Variants in ANO5 observed in about 807,000 individuals in gnomAD.
ANO5 encodes the protein anoctamin 5, also known as anoctamin-5.
ANO5 carries 109 observed loss-of-function variants against 121.0 expected under a neutral mutation model. That is an observed-to-expected ratio of 0.90 (90% CI 0.77 to 1.06). ANO5 has a LOEUF of 1.06. Ranked by LOEUF, ANO5 falls within the 50% of genes least tolerant of loss-of-function variation. ANO5 has a pLI of 0.00. For missense variants in ANO5, 1,064 were observed against 1,078.5 expected (o/e 0.99, Z 0.19); for synonymous variants, 406 against 359.9 (o/e 1.13, Z -1.45).
At chr11:22,254,764 A>C (rs947633690) in intron 12 of ANO5, among the ~76,000 whole-genome samples, 1 of 152,034 alleles carries the variant, frequency 6.6e-6, no homozygotes, top group African/African-American at 2.4e-5. Flanking sequence ...TATATTCTTC[A>C]ATTGAAAGTT....
In ANO5 at chr11:22,256,947, G is replaced by A. The variant is rs375137297; in HGVS notation, c.1333-733G>A. On this transcript the variant is annotated intron_variant, in intron 13 of 21. Transcript: ENST00000324559. ...TACATGCACACACATTCTGAGGTGT[G>A]TAGGACTCTTGGACAGCTGACTCTG... 3.3e-5 allele frequency among the ~76,000 whole-genome samples: 5 copies of A among 152,246 alleles called. No individual in the cohort carries two copies. In the South Asian group the frequency reaches 1.0e-3, roughly 32 times the overall value.
intron 18 of ANO5, 67 bp downstream of exon 18, chr11:22,270,509 CTTCT>C (rs751789241): frequency 2.3e-4 from 351 of 1,522,240 alleles, no homozygotes; most frequent in Middle Eastern, 5.0e-4. Flanking sequence ...GCTCCAGATA[CTTCT>C]TTCTGCCTTG....
At chr11:22,248,613 T>A (rs1334399981) in intron 9 of ANO5, among the ~76,000 whole-genome samples, 2 of 152,038 alleles carry the variant, frequency 1.3e-5, no homozygotes. Context: ...TATTTCCACA[T>A]GTAATAAATA....
intron 1 of ANO5, among the ~76,000 whole-genome samples, chr11:22,200,879 T>C (rs1851945116): frequency 6.6e-6 from 1 of 152,126 alleles, no homozygotes; most frequent in African/African-American, 2.4e-5. Context: ...GGAGAAGTTG[T>C]ATGGGTGTGT....
In ANO5 at chr11:22,262,209, T is replaced by A. The variant is rs955482513; in HGVS notation, c.1711T>A (p.Ser571Thr). Residue 571 changes from serine to threonine, a missense_variant, in exon 16 of 22, where the codon TCC becomes ACC. Transcript: ENST00000324559. Reference protein sequence around the residue: ...FLFQFVNFYSSCFYVAFFKGK... With the variant: ...FLFQFVNFYSTCFYVAFFKGK... ...GTTTCAGTTTGTAAATTTTTACTCA[T>A]CCTGCTTCTACGTAGCTTTCTTTAA... is the stretch of plus-strand genomic sequence containing the variant. 3.7e-6 allele frequency: 6 copies of A among 1,614,012 alleles called. No individual in the cohort carries two copies. The highest frequency in any genetic ancestry group is 5.1e-6 in the Non-Finnish European group (6 of 1,179,956).
At chr11:22,272,663 G>GCTT in intron 18 of ANO5, 121 bp from the exon 19 acceptor site, 1 of 898,022 alleles carries the variant, frequency 1.1e-6, no homozygotes, top group East Asian at 2.6e-5. Context: ...ACGGATGGAA[G>GCTT]CCTGGATTGT....
chr11:22,251,405 A>G (rs1853812208), intron 12 of ANO5, among the ~76,000 whole-genome samples: 1 of 152,190 alleles, frequency 6.6e-6, no homozygotes, highest in Non-Finnish European at 1.5e-5. Context: ...GGACTAATGA[A>G]CATTTTTGAG....
chr11:22,198,532 C>T (rs758098222), intron 1 of ANO5, among the ~76,000 whole-genome samples: 15 of 152,192 alleles, frequency 9.9e-5, no homozygotes, highest in Non-Finnish European at 2.2e-4. Flanking sequence ...TTAATAGCAG[C>T]TTGAAAATAT....
In ANO5 at chr11:22,276,454, T is replaced by A. The variant is rs1003287637; in HGVS notation, c.2520+255T>A. The stretch of plus-strand genomic sequence containing the variant: ...CAAATATGGTTTTTTTCCCTTCAAG[T>A]CAGGAAAAGGGGAAATAACCCACTG... On this transcript the variant is annotated intron_variant, in intron 21 of 21. Transcript: ENST00000324559. Among the ~76,000 whole-genome samples the A allele has an allele frequency of 1.1e-4, 17 of 151,776 alleles. 1 individual carries two copies. The highest frequency in any genetic ancestry group is 2.1e-4 in the South Asian group (1 of 4,814).
intron 13 of ANO5, 84 bp downstream of exon 13, chr11:22,255,606 T>G: frequency 6.5e-7 from 1 of 1,534,196 alleles, no homozygotes; most frequent in South Asian, 1.1e-5. Context: ...ATAGTTTATT[T>G]TGCCTTTAAA....
chr11:22,203,776 A>T (rs1024002778), intron 1 of ANO5, 28 bp from the exon 2 acceptor site: 2 of 1,374,516 alleles, frequency 1.5e-6, no homozygotes, highest in African/African-American at 2.9e-5. Context: ...CTAATTTAAC[A>T]TGTTTTTCTC....
chr11:22,197,009 A>G (rs1019443090), intron 1 of ANO5, among the ~76,000 whole-genome samples: 2 of 152,234 alleles, frequency 1.3e-5, no homozygotes, highest in African/African-American at 4.8e-5. Flanking sequence ...TTAAAATATA[A>G]GAAGACTTTT....
intron 3 of ANO5, among the ~76,000 whole-genome samples, chr11:22,215,641 C>A (rs552413848): frequency 1.3e-5 from 2 of 152,038 alleles, no homozygotes; most frequent in African/African-American, 4.8e-5. Context: ...CAACAACATG[C>A]ATTATATTCT....
At chr11:22,268,420 G>T (rs1360345573) in intron 17 of ANO5, among the ~76,000 whole-genome samples, 1 of 147,438 alleles carries the variant, frequency 6.8e-6, no homozygotes, top group Admixed American at 6.6e-5. Context: ...AATTGCTATT[G>T]TAAATGATAT....
At chr11:22,239,196 A>T (rs1268646543) in intron 8 of ANO5, among the ~76,000 whole-genome samples, 1 of 151,894 alleles carries the variant, frequency 6.6e-6, no homozygotes, top group East Asian at 1.9e-4. Flanking sequence ...TTGAAGTTTA[A>T]TTTTTTCATC....
intron 2 of ANO5, among the ~76,000 whole-genome samples, chr11:22,210,075 T>G (rs991701054): frequency 7.2e-5 from 11 of 152,004 alleles, no homozygotes; most frequent in African/African-American, 2.7e-4. Flanking sequence ...CTAGTGGAAT[T>G]CATTCAAGGT....
At chr11:22,260,449 G>A (rs746970529) in intron 15 of ANO5, among the ~76,000 whole-genome samples, 14 of 152,116 alleles carry the variant, frequency 9.2e-5, no homozygotes, top group Non-Finnish European at 1.9e-4. Flanking sequence ...CATGGCTGAC[G>A]TCAAGCAAAA....
chr11:22,216,314 G>A (rs1021409718), intron 3 of ANO5, among the ~76,000 whole-genome samples: 18 of 151,948 alleles, frequency 1.2e-4, no homozygotes, highest in African/African-American at 3.6e-4. Flanking sequence ...AGCAATGTAC[G>A]AGAGTTCTTT....
At chr11:22,215,819 T>C (rs4922982) in intron 3 of ANO5, among the ~76,000 whole-genome samples, 101,938 of 151,702 alleles carry the variant, frequency 0.67, 36,386 homozygotes, top group Non-Finnish European at 0.81. Flanking sequence ...TTAGCGGTTT[T>C]CCTCCTACCA....
Sources: allele counts gnomAD v4.1 joint callset (sites outside exome capture counted in the v4.1 genomes callset), GRCh38; gene constraint gnomAD v4.1.1; transcripts MANE v1.5; gene names NCBI Gene and HGNC (gene_info 2026-07-23, HGNC 2026-07-21).